Variants in LRCH1 observed in about 807,000 individuals in gnomAD.
LRCH1 encodes the protein leucine-rich repeat and calponin homology domain-containing protein 1.
Under a neutral mutation model 94.9 loss-of-function variants are expected in LRCH1, and 23 were observed. The observed-to-expected ratio is 0.24, with a 90% CI of 0.17 to 0.34. LRCH1 has a LOEUF of 0.34. Ranked by LOEUF, LRCH1 falls within the 10% of genes least tolerant of loss-of-function variation. The pLI is 1.00. For synonymous variants in LRCH1, 364 were observed against 354.9 expected, an observed-to-expected ratio of 1.03 and a Z score of -0.29; for missense variants, 790 against 945.9, an observed-to-expected ratio of 0.84 and a Z score of 2.16.
At chr13:46,652,967 A>C (rs1043232162) in intron 2 of LRCH1, among the ~76,000 whole-genome samples, 1 of 152,154 alleles carries the variant, frequency 6.6e-6, no homozygotes, top group Non-Finnish European at 1.5e-5. Flanking sequence ...TTTCCATGTC[A>C]CCCCCAGTTG....
intron 2 of LRCH1, among the ~76,000 whole-genome samples, chr13:46,652,439 A>G (rs1424057424): frequency 7.1e-6 from 1 of 141,718 alleles, no homozygotes; most frequent in Non-Finnish European, 1.5e-5. Context: ...GCAGGTTTTT[A>G]AGTAGCCTTA....
chr13:46,665,457 TTTAGA>T (rs1190455972), intron 2 of LRCH1, among the ~76,000 whole-genome samples: 3 of 152,188 alleles, frequency 2.0e-5, no homozygotes. Flanking sequence ...GCCAAGAATG[TTTAGA>T]TTATATTGAG....
intron 1 of LRCH1, among the ~76,000 whole-genome samples, chr13:46,596,115 T>C (rs919877397): frequency 5.3e-5 from 8 of 152,184 alleles, no homozygotes; most frequent in Non-Finnish European, 1.0e-4. Context: ...GAGGAGGAGC[T>C]GAGGTTTGGA....
intron 1 of LRCH1, among the ~76,000 whole-genome samples, chr13:46,605,128 C>G (rs888637129): frequency 2.4e-4 from 36 of 152,210 alleles, no homozygotes; most frequent in African/African-American, 8.0e-4. Flanking sequence ...TTGAAATAAT[C>G]GTCACCTGTC....
chr13:46,666,975 C>T (rs758272478), intron 2 of LRCH1, among the ~76,000 whole-genome samples: 4 of 152,126 alleles, frequency 2.6e-5, no homozygotes, highest in South Asian at 4.1e-4. Context: ...AGTGCCAGTG[C>T]GGGCCCATTG....
intron 1 of LRCH1, among the ~76,000 whole-genome samples, chr13:46,623,249 T>C (rs1478074837): frequency 6.6e-6 from 1 of 152,158 alleles, no homozygotes; most frequent in Admixed American, 6.6e-5. Flanking sequence ...ATAATAATAA[T>C]GCACAATCTT....
At chr13:46,576,341 T>C (rs1413331109) in intron 1 of LRCH1, among the ~76,000 whole-genome samples, 1 of 152,216 alleles carries the variant, frequency 6.6e-6, no homozygotes, top group African/African-American at 2.4e-5. Context: ...CTTAAGATTG[T>C]TGGGAAAAAA....
intron 11 of LRCH1, among the ~76,000 whole-genome samples, chr13:46,702,628 G>A (rs998769528): frequency 5.9e-5 from 9 of 152,180 alleles, no homozygotes; most frequent in South Asian, 2.1e-4. Context: ...TGGGTGGACT[G>A]GTCTTCCTGA....
intron 2 of LRCH1, among the ~76,000 whole-genome samples, chr13:46,662,637 C>G (rs964890852): frequency 6.6e-6 from 1 of 152,136 alleles, no homozygotes; most frequent in African/African-American, 2.4e-5. Flanking sequence ...AGCTAGTTAT[C>G]AAAACTGCCC....
intron 17 of LRCH1, among the ~76,000 whole-genome samples, chr13:46,726,165 T>C (rs771686920): frequency 6.6e-6 from 1 of 152,230 alleles, no homozygotes; most frequent in Non-Finnish European, 1.5e-5. Context: ...AATCGATTTC[T>C]CTACTTCTGC....
At chr13:46,580,102 G>T (rs928907305) in intron 1 of LRCH1, among the ~76,000 whole-genome samples, 4 of 152,160 alleles carry the variant, frequency 2.6e-5, no homozygotes, top group Non-Finnish European at 4.4e-5. Context: ...TATAACATTT[G>T]TTCCTCTCCC....
At position 46,692,528 on chromosome 13, in the gene LRCH1, CTTT is replaced by C. The variant is rs750228699; in HGVS notation, c.1015-5_1015-3del. On this transcript the variant is annotated splice_polypyrimidine_tract_variant and splice_region_variant and intron_variant, in intron 7 of 19. Coordinates refer to ENST00000389797, the MANE Select transcript of LRCH1 (RefSeq NM_001164211.2). ...TCTTGAGTTAAACAGTGCACTGTAT[CTTT>C]TTAGCCTTCTGACGAAGACACTGTT... 6.9e-6 allele frequency: 11 copies of C among 1,604,020 alleles called. No homozygotes were observed. Among genetic ancestry groups the C allele is most frequent in the Non-Finnish European group, 9.4e-6 (11 of 1,171,026 alleles).
intron 1 of LRCH1, among the ~76,000 whole-genome samples, chr13:46,641,082 G>C (rs1183580513): frequency 1.3e-5 from 2 of 152,136 alleles, no homozygotes; most frequent in Non-Finnish European, 2.9e-5. Context: ...TCCCTTACTG[G>C]GGGGCAGTTC....
intron 1 of LRCH1, among the ~76,000 whole-genome samples, chr13:46,563,719 G>A (rs779885381): frequency 3.9e-5 from 6 of 152,188 alleles, no homozygotes; most frequent in Non-Finnish European, 8.8e-5. Flanking sequence ...TCCAAGCAAT[G>A]CCTTTCTATT....
At chr13:46,652,474 A>G (rs954061132) in intron 2 of LRCH1, among the ~76,000 whole-genome samples, 2 of 151,096 alleles carry the variant, frequency 1.3e-5, no homozygotes, top group South Asian at 4.2e-4. Flanking sequence ...AATAAGGTGT[A>G]GGTTACTGTT....
At chr13:46,669,009 C>G in intron 2 of LRCH1, 21 bp from the exon 3 acceptor site, 1 of 1,613,200 alleles carries the variant, frequency 6.2e-7, no homozygotes, top group Non-Finnish European at 8.5e-7. Flanking sequence ...TACATGTGTT[C>G]TTGTTGTATT....
rs1475131857 is a variant in LRCH1, at chr13:46,553,315, C to T, written c.-82C>T. 1 of 1,218,272 alleles carries T rather than the reference C, an allele frequency of 8.2e-7. No homozygotes were observed. The highest frequency in any genetic ancestry group is 1.5e-5 in the African/African-American group (1 of 66,156). The allele number at this position is 1,218,272 out of a possible 1,614,324, so 75.5% of individuals were successfully genotyped here. A position where few individuals can be genotyped will look rare whatever the true frequency, so the allele number is the denominator to read the frequency against. On this transcript the variant is annotated 5_prime_UTR_variant, in exon 1 of 20. Coordinates refer to ENST00000389797, the MANE Select transcript of LRCH1 (RefSeq NM_001164211.2). ...CGGTGGAGCACTGCGGCACTCAGCC[C>T]GAGCTGCCGTTTTCCCCTCGCGGGG... is the stretch of plus-strand genomic sequence containing the variant.
chr13:46,720,115 G>A (rs1454350539), intron 16 of LRCH1, among the ~76,000 whole-genome samples: 9 of 149,440 alleles, frequency 6.0e-5, no homozygotes, highest in Non-Finnish European at 1.2e-4. Context: ...GGCCAGGCAC[G>A]GTGGCTCACG....
chr13:46,584,629 T>A (rs1435975937), intron 1 of LRCH1, among the ~76,000 whole-genome samples: 1 of 152,258 alleles, frequency 6.6e-6, no homozygotes. Context: ...TGTGATGGTC[T>A]CTACACTCCG....
Sources: gnomAD v4.1 joint callset for allele counts (sites outside exome capture counted in the v4.1 genomes callset) on GRCh38, gnomAD v4.1.1 for gene constraint, MANE v1.5 for transcripts, NCBI Gene and HGNC (gene_info 2026-07-23, HGNC 2026-07-21) for gene names.